GALNT13: variants seen among roughly 807,000 people sequenced by gnomAD.
The protein encoded by GALNT13 is polypeptide N-acetylgalactosaminyltransferase 13.
In GALNT13, 28 loss-of-function variants were observed where a neutral mutation model predicts 64.2. The observed-to-expected ratio is 0.44, with a 90% CI of 0.32 to 0.60. The LOEUF is 0.60. GALNT13 is among the 20% of genes least tolerant of loss of function. GALNT13 has a pLI of 0.05. For missense variants in GALNT13, 577 were observed against 669.8 expected (o/e 0.86, Z 1.53); for synonymous variants, 214 against 224.6 (o/e 0.95, Z 0.42).
chr2:154,186,069 T>G (rs2105742492), intron 4 of GALNT13, among the ~76,000 whole-genome samples: 1 of 152,194 alleles, frequency 6.6e-6, no homozygotes, highest in Admixed American at 6.5e-5. Context: ...AGAATTTTTT[T>G]TACACATTGT....
intron 4 of GALNT13, among the ~76,000 whole-genome samples, chr2:154,164,758 A>C (rs1684930585): frequency 6.6e-6 from 1 of 152,148 alleles, no homozygotes; most frequent in South Asian, 2.1e-4. Context: ...TTATAGAATG[A>C]ATATTTGAAT....
the GALNT13 span, among the ~76,000 whole-genome samples, chr2:153,780,813 GTTA>G: frequency 6.6e-6 from 1 of 152,140 alleles, no homozygotes; most frequent in African/African-American, 2.4e-5. Context: ...AGATTGAGGG[GTTA>G]TTATGTGCCT....
the GALNT13 span, among the ~76,000 whole-genome samples, chr2:153,335,104 G>T: frequency 6.6e-6 from 1 of 151,962 alleles, no homozygotes; most frequent in Admixed American, 6.5e-5. Flanking sequence ...AGTGTCTTTT[G>T]CCTCCCACCA....
rs575651956 is a variant in GALNT13, at chr2:154,011,243, T to C, written c.142+66604T>C. 2.1e-3 allele frequency among the ~76,000 whole-genome samples: 315 copies of C among 152,308 alleles called. 1 individual carries two copies. Among genetic ancestry groups the C allele is most frequent in the African/African-American group, 7.5e-3 (311 of 41,578 alleles). ...GATGTAGCTTTCTTCTTAATGCTGC[T>C]TTAGCTGTGGCCCTGAGATTCTGGT... On this transcript the variant is annotated intron_variant, in intron 3 of 12. Coordinates refer to ENST00000392825, the MANE Select transcript of GALNT13 (RefSeq NM_052917.4).
chr2:154,177,985 G>T (rs994203260), intron 4 of GALNT13, among the ~76,000 whole-genome samples: 1 of 152,224 alleles, frequency 6.6e-6, no homozygotes, highest in African/African-American at 2.4e-5. Context: ...TAATGCAAAA[G>T]CAAGTTTTAG....
intron 3 of GALNT13, among the ~76,000 whole-genome samples, chr2:154,006,013 T>C (rs1405625889): frequency 1.3e-5 from 2 of 152,138 alleles, no homozygotes; most frequent in South Asian, 2.1e-4. Flanking sequence ...TTGAGGAAAA[T>C]GGGTACATTC....
the GALNT13 span, among the ~76,000 whole-genome samples, chr2:153,766,116 C>T: frequency 1.7e-4 from 26 of 151,926 alleles, no homozygotes; most frequent in East Asian, 4.8e-3. Context: ...TGAAAGACAA[C>T]TTTGTTGGAT....
the GALNT13 span, among the ~76,000 whole-genome samples, chr2:153,290,872 C>T: frequency 6.6e-6 from 1 of 152,022 alleles, no homozygotes; most frequent in African/African-American, 2.4e-5. Context: ...GAAAATATAA[C>T]CTGATGATGT....
At chr2:154,233,862 G>A (rs1689057155) in intron 4 of GALNT13, among the ~76,000 whole-genome samples, 1 of 152,082 alleles carries the variant, frequency 6.6e-6, no homozygotes, top group Non-Finnish European at 1.5e-5. Context: ...ATGGTCAGGA[G>A]GAGGGAAGAA....
chr2:153,096,177 A>C, the GALNT13 span, among the ~76,000 whole-genome samples: 1 of 152,108 alleles, frequency 6.6e-6, no homozygotes, highest in Non-Finnish European at 1.5e-5. Context: ...TAATTTCCAA[A>C]ATTATTCATG....
At chr2:153,287,022 C>G in the GALNT13 span, among the ~76,000 whole-genome samples, 2 of 152,018 alleles carry the variant, frequency 1.3e-5, no homozygotes, top group Non-Finnish European at 2.9e-5. Context: ...AGAAAATTTC[C>G]TTATTAAAAA....
the GALNT13 span, among the ~76,000 whole-genome samples, chr2:153,714,948 T>C: frequency 6.6e-6 from 1 of 152,214 alleles, no homozygotes; most frequent in African/African-American, 2.4e-5. Flanking sequence ...TAATTAAAAT[T>C]CAAATGCTAC....
the GALNT13 span, among the ~76,000 whole-genome samples, chr2:153,677,640 GT>G: frequency 6.6e-6 from 1 of 151,958 alleles, no homozygotes; most frequent in South Asian, 2.1e-4. Flanking sequence ...GGGACATCAC[GT>G]TATTCAACTT....
chr2:154,002,027 A>G (rs918672531), intron 3 of GALNT13, among the ~76,000 whole-genome samples: 13 of 152,186 alleles, frequency 8.5e-5, no homozygotes, highest in Non-Finnish European at 1.5e-4. Flanking sequence ...TTCTGCTGAA[A>G]AATCTGCTGG....
the GALNT13 span, among the ~76,000 whole-genome samples, chr2:153,256,923 C>G: frequency 6.6e-6 from 1 of 152,172 alleles, no homozygotes; most frequent in Non-Finnish European, 1.5e-5. Flanking sequence ...GTGCCCTGCC[C>G]GCAGAGGTGG....
chr2:153,421,451 C>T, the GALNT13 span: 5 of 221,376 alleles, frequency 2.3e-5, no homozygotes, highest in East Asian at 1.1e-4. Flanking sequence ...AGAGCTCAAC[C>T]GCAGCTGTGG....
At chr2:153,747,619 G>C in the GALNT13 span, among the ~76,000 whole-genome samples, 1 of 151,616 alleles carries the variant, frequency 6.6e-6, no homozygotes, top group Non-Finnish European at 1.5e-5. Flanking sequence ...GTAGAGACAG[G>C]GTTTCAGTAT....
At chr2:153,809,697 G>T in the GALNT13 span, among the ~76,000 whole-genome samples, 2 of 152,102 alleles carry the variant, frequency 1.3e-5, no homozygotes. Context: ...TTTTAGAAAA[G>T]ATAAAGGAGG....
the GALNT13 span, among the ~76,000 whole-genome samples, chr2:153,251,405 T>C: frequency 1.8e-4 from 28 of 152,352 alleles, no homozygotes; most frequent in African/African-American, 6.5e-4. Flanking sequence ...GTTTTGATCC[T>C]CTTTTAATGA....
Sources: gnomAD v4.1 joint callset for allele counts (sites outside exome capture counted in the v4.1 genomes callset) on GRCh38, gnomAD v4.1.1 for gene constraint, MANE v1.5 for transcripts, NCBI Gene and HGNC (gene_info 2026-07-23, HGNC 2026-07-21) for gene names.